The following METTL2A variants were observed in gnomAD, a reference collection of about 807,000 sequenced individuals.
METTL2A encodes tRNA N(3)-cytidine methyltransferase METTL2A.
A neutral mutation model predicts 49.4 loss-of-function variants in METTL2A; 45 were observed. The observed-to-expected ratio is 0.91, with a 90% CI of 0.72 to 1.17. The LOEUF is 1.17. Among genes scored for constraint, METTL2A ranks in the 50% most tolerant of loss-of-function variants. The pLI is 0.00. For missense variants in METTL2A, 361 were observed against 462.2 expected, an observed-to-expected ratio of 0.78 and a Z score of 2.01; for synonymous variants, 118 against 167.5, an observed-to-expected ratio of 0.70 and a Z score of 2.28.
In METTL2A at chr17:62,424,243, G is replaced by A. The variant is rs2070607491; in HGVS notation, c.135G>A (p.Glu45=). 1 of 1,614,038 alleles carries A rather than the reference G, an allele frequency of 6.2e-7. No individual in the cohort carries two copies. Among genetic ancestry groups the A allele is most frequent in the Admixed American group, 1.7e-5 (1 of 60,004 alleles). ...NAWDNVEWSE[E]QAAAAERKVQ... ...GGGACAATGTGGAGTGGTCGGAAGAGCAAGCCGCGGCGGCGGAGAGAAAAG... is the reference window on the plus strand; with the variant it reads ...GGGACAATGTGGAGTGGTCGGAAGAACAAGCCGCGGCGGCGGAGAGAAAAG... Residue 45 remains glutamate, a synonymous_variant, in exon 2 of 9, where the codon GAG becomes GAA. Transcript: ENST00000311506.
intron 5 of METTL2A, among the ~76,000 whole-genome samples, chr17:62,439,011 C>T (rs1346616487): frequency 1.5e-5 from 2 of 136,418 alleles, no homozygotes; most frequent in Non-Finnish European, 3.0e-5. Context: ...CGGAGTCTAG[C>T]TCTGTCGCCC....
chr17:62,442,689 A>G (rs1022792234), intron 6 of METTL2A, among the ~76,000 whole-genome samples: 1 of 152,206 alleles, frequency 6.6e-6, no homozygotes. Context: ...GAGTCTGGAC[A>G]GGCTGGGGGT....
Position 62,444,870 on chromosome 17 carries a change from T to A in METTL2A, c.843T>A (p.Leu281=). Residue 281 remains leucine, a synonymous_variant, in exon 7 of 9, where the codon CTT becomes CTA. Coordinates refer to ENST00000311506, the MANE Select transcript of METTL2A (RefSeq NM_181725.4). Reference sequence around the variant, plus strand: ...AGGCTATCAACAGGCTGAGCAGGCTTCTGAAACCTGGCGGGATGATGCTTC... The same window carrying A: ...AGGCTATCAACAGGCTGAGCAGGCTACTGAAACCTGGCGGGATGATGCTTC... ...MQKAINRLSR[L]LKPGGMMLLR... 1 of 1,613,916 alleles carries A rather than the reference T, an allele frequency of 6.2e-7. No homozygotes were observed. Among genetic ancestry groups the A allele is most frequent in the Non-Finnish European group, 8.5e-7 (1 of 1,179,894 alleles).
chr17:62,443,274 G>A (rs2070748532), intron 6 of METTL2A, among the ~76,000 whole-genome samples: 1 of 152,182 alleles, frequency 6.6e-6, no homozygotes, highest in South Asian at 2.1e-4. Flanking sequence ...TCAGAAGGCT[G>A]AGGCAGGAGT....
chr17:62,427,244 C>T (rs148894991), intron 3 of METTL2A, among the ~76,000 whole-genome samples: 5,104 of 152,228 alleles, frequency 0.034, 298 homozygotes, highest in African/African-American at 0.11. Flanking sequence ...TGATCTTAGA[C>T]AATTTCCTTA....
chr17:62,434,924 G>C, intron 4 of METTL2A: 1 of 365,772 alleles, frequency 2.7e-6, no homozygotes, highest in Non-Finnish European at 5.1e-6. Flanking sequence ...GAATTCTTGT[G>C]GTGCTATCAA....
chr17:62,428,520 C>T (rs2070643326), intron 4 of METTL2A, among the ~76,000 whole-genome samples: 1 of 152,182 alleles, frequency 6.6e-6, no homozygotes, highest in Admixed American at 6.5e-5. Flanking sequence ...GTGAATCTGG[C>T]CCTCCGTGTT....
intron 4 of METTL2A, among the ~76,000 whole-genome samples, chr17:62,432,718 C>T (rs1383003596): frequency 6.6e-6 from 1 of 151,950 alleles, no homozygotes; most frequent in Non-Finnish European, 1.5e-5. Context: ...AGGAGAATGG[C>T]GTGAACCTGG....
At chr17:62,443,996 T>C (rs2070752931) in intron 6 of METTL2A, among the ~76,000 whole-genome samples, 1 of 152,220 alleles carries the variant, frequency 6.6e-6, no homozygotes, top group African/African-American at 2.4e-5. Context: ...TGAAGAACAC[T>C]GCATATGGAA....
chr17:62,448,835 AG>A lies in METTL2A; in HGVS notation c.*108del. On this transcript the variant is annotated 3_prime_UTR_variant, in exon 9 of 9. Transcript: ENST00000311506. ...TGCATGCCTGTAATCCCAGCCACTC[AG>A]GAGGCTGAGGCGGGGAGGATCCATT... 6.6e-7 allele frequency: 1 copy of A among 1,514,274 alleles called. No homozygotes were observed. Among genetic ancestry groups the A allele is most frequent in the Non-Finnish European group, 8.9e-7 (1 of 1,128,572 alleles). 93.8% of individuals were successfully genotyped at this position (1,514,274 alleles called of 1,614,324 possible).
chr17:62,448,358 GT>G (rs1275660912), intron 8 of METTL2A, among the ~76,000 whole-genome samples: 1 of 151,904 alleles, frequency 6.6e-6, no homozygotes, highest in Non-Finnish European at 1.5e-5. Context: ...TAAACCAAAG[GT>G]TTTTAAAAAA....
In METTL2A at chr17:62,448,777, T is replaced by G; in HGVS notation, c.*48T>G. ...TGCAAGCCCATTGTGTTTCCGGGCTTTTTTAAAAAAAAAATTGTAGCACTG... is the reference window on the plus strand; with the variant it reads ...TGCAAGCCCATTGTGTTTCCGGGCTGTTTTAAAAAAAAAATTGTAGCACTG... On this transcript the variant is annotated 3_prime_UTR_variant, in exon 9 of 9. Transcript: ENST00000311506. 3.8e-6 allele frequency: 6 copies of G among 1,599,078 alleles called. No homozygotes were observed. Among genetic ancestry groups the G allele is most frequent in the Non-Finnish European group, 5.1e-6 (6 of 1,172,704 alleles).
chr17:62,449,538 C>A lies in METTL2A; in HGVS notation c.*809C>A. ...CCAGCGTGGCCAACATGGTGAAACC[C>A]CGTCTCTACTAAAGATAAAAAAATT... is the stretch of plus-strand genomic sequence containing the variant. On this transcript the variant is annotated 3_prime_UTR_variant, in exon 9 of 9. Transcript: ENST00000311506. 1 of 356,934 alleles carries A rather than the reference C, an allele frequency of 2.8e-6. No individual in the cohort carries two copies. The highest frequency in any genetic ancestry group is 5.3e-6 in the Non-Finnish European group (1 of 187,566). The allele number at this position is 356,934 out of a possible 1,614,324, so 22.1% of individuals were successfully genotyped here. A position where few individuals can be genotyped will look rare whatever the true frequency, so the allele number is the denominator to read the frequency against.
chr17:62,427,193 G>A (rs921344328), intron 3 of METTL2A, among the ~76,000 whole-genome samples: 5 of 152,172 alleles, frequency 3.3e-5, no homozygotes, highest in African/African-American at 9.7e-5. Context: ...ACTGGAAGCT[G>A]GTTCTGGAAC....
At chr17:62,429,902 C>T (rs542612410) in intron 4 of METTL2A, among the ~76,000 whole-genome samples, 82 of 152,268 alleles carry the variant, frequency 5.4e-4, no homozygotes, top group African/African-American at 1.6e-3. Context: ...AACTCCTGAC[C>T]TCAAGTGATC....
chr17:62,446,621 T>A (rs986216254), intron 7 of METTL2A, among the ~76,000 whole-genome samples: 120 of 152,308 alleles, frequency 7.9e-4, no homozygotes, highest in African/African-American at 2.8e-3. Flanking sequence ...CTTACAGCCT[T>A]TTTTTAAGCA....
chr17:62,424,396 C>A, intron 2 of METTL2A, 86 bp downstream of exon 2: 1 of 1,570,250 alleles, frequency 6.4e-7, no homozygotes, highest in Middle Eastern at 1.7e-4. Context: ...ACCGCGGCCG[C>A]CCAGATCCTT....
At position 62,451,668 on chromosome 17, in the gene METTL2A, G is replaced by T. The variant is rs1378116687; in HGVS notation, c.*2939G>T. On this transcript the variant is annotated 3_prime_UTR_variant, in exon 9 of 9. Coordinates refer to ENST00000311506, the MANE Select transcript of METTL2A (RefSeq NM_181725.4). ...GCACTTTGAGAGACCAAGGTAGGTG[G>T]ATCACCTGAGGTCGGGAGTTGGAGA... is the stretch of plus-strand genomic sequence containing the variant. 6.6e-6 allele frequency among the ~76,000 whole-genome samples: 1 copy of T among 151,602 alleles called. No homozygotes were observed. The highest frequency in any genetic ancestry group is 6.6e-5 in the Admixed American group (1 of 15,234).
chr17:62,426,774 C>T (rs1164560764), intron 3 of METTL2A, 120 bp downstream of exon 3: 27 of 672,504 alleles, frequency 4.0e-5, no homozygotes, highest in Non-Finnish European at 6.6e-5. Context: ...CTAGACTTGA[C>T]CCTTATATTA....
Sources: gnomAD v4.1 joint callset for allele counts (sites outside exome capture counted in the v4.1 genomes callset) on GRCh38, gnomAD v4.1.1 for gene constraint, MANE v1.5 for transcripts, NCBI Gene and HGNC (gene_info 2026-07-23, HGNC 2026-07-21) for gene names.